The following PBX1 variants were observed in gnomAD, a reference collection of about 807,000 sequenced individuals.
The protein encoded by PBX1 is pre-B-cell leukemia transcription factor 1.
A neutral mutation model predicts 53.4 loss-of-function variants in PBX1; 6 were observed. That is an observed-to-expected ratio of 0.11 (90% confidence interval 0.06 to 0.22). The LOEUF is 0.22. Among genes scored for constraint, PBX1 ranks in the 10% least tolerant of loss-of-function variants. The pLI, the probability that PBX1 is intolerant of heterozygous loss-of-function variation, is 1.00. For synonymous variants in PBX1, 204 were observed against 212.3 expected (o/e 0.96, Z 0.34); for missense variants, 251 against 551.4 (o/e 0.46, Z 5.46).
chr1:164,568,822 G>A (rs951961793), intron 2 of PBX1, among the ~76,000 whole-genome samples: 1 of 152,220 alleles, frequency 6.6e-6, no homozygotes, highest in Admixed American at 6.5e-5. Flanking sequence ...GAACTTAGCA[G>A]AGTGATCCCC....
At chr1:164,731,806 C>G (rs567454550) in intron 2 of PBX1, among the ~76,000 whole-genome samples, 9 of 152,330 alleles carry the variant, frequency 5.9e-5, no homozygotes, top group African/African-American at 2.2e-4. Context: ...CTTATGAAGT[C>G]TGCCACAGAA....
At chr1:164,666,831 C>T (rs1009865387) in intron 2 of PBX1, among the ~76,000 whole-genome samples, 3 of 152,120 alleles carry the variant, frequency 2.0e-5, no homozygotes, top group African/African-American at 7.2e-5. Flanking sequence ...TCTACTGAGT[C>T]CTAATTATGT....
At chr1:164,830,311 A>G (rs1670690697) in intron 8 of PBX1, among the ~76,000 whole-genome samples, 1 of 152,230 alleles carries the variant, frequency 6.6e-6, no homozygotes, top group African/African-American at 2.4e-5. Context: ...GAAGGTTAAA[A>G]TGAAGCCACC....
At chr1:164,881,275 A>G (rs921638391) in intron 2 of PBX1, among the ~76,000 whole-genome samples, 5 of 151,368 alleles carry the variant, frequency 3.3e-5, no homozygotes, top group African/African-American at 1.2e-4. Flanking sequence ...GAAGAACTGC[A>G]GAGACACAGA....
At chr1:164,737,537 G>A (rs184303646) in intron 2 of PBX1, among the ~76,000 whole-genome samples, 2 of 151,038 alleles carry the variant, frequency 1.3e-5, no homozygotes, top group Admixed American at 1.3e-4. Context: ...GGAGTGCAGT[G>A]GCATGATCTC....
intron 8 of PBX1, among the ~76,000 whole-genome samples, chr1:164,834,027 ATATGTG>A (rs1175541331): frequency 1.3e-5 from 1 of 79,268 alleles, no homozygotes; most frequent in African/African-American, 5.3e-5. Context: ...ATATATATGT[ATATGTG>A]TGTGTGTGTG....
chr1:164,761,450 C>CT lies in PBX1; in HGVS notation c.266-31032dup, dbSNP rs35369933. 6.1e-3 allele frequency among the ~76,000 whole-genome samples: 887 copies of CT among 146,484 alleles called. 4 individuals are homozygous for CT. The highest frequency in any genetic ancestry group is 8.8e-3 in the Non-Finnish European group (579 of 66,164). Reference sequence around the variant, plus strand: ...CATCGTCTTTCATTGGGACATTATTCTTTTTTTTTTTTGAGACGGAGTTTC... The same window carrying CT: ...CATCGTCTTTCATTGGGACATTATTCTTTTTTTTTTTTTGAGACGGAGTTTC... On this transcript the variant is annotated intron_variant, in intron 2 of 8. Coordinates refer to ENST00000420696, the MANE Select transcript of PBX1 (RefSeq NM_002585.4).
At chr1:164,767,429 G>C (rs777836326) in intron 2 of PBX1, among the ~76,000 whole-genome samples, 11 of 152,130 alleles carry the variant, frequency 7.2e-5, no homozygotes, top group Non-Finnish European at 1.2e-4. Context: ...TTATCAGAGA[G>C]TGCGCTGGAG....
intron 8 of PBX1, among the ~76,000 whole-genome samples, chr1:164,833,341 G>T (rs1286964837): frequency 6.6e-6 from 1 of 152,148 alleles, no homozygotes; most frequent in Non-Finnish European, 1.5e-5. Flanking sequence ...CAGATCACAG[G>T]TTCCCGAAGT....
chr1:164,667,050 GTGTC>G (rs200383070), intron 2 of PBX1, among the ~76,000 whole-genome samples: 3,229 of 152,230 alleles, frequency 0.021, 132 homozygotes, highest in African/African-American at 0.074. Context: ...GCCTGACATC[GTGTC>G]TGTCTTAGGA....
intron 1 of PBX1, among the ~76,000 whole-genome samples, chr1:164,561,171 C>T (rs545661367): frequency 6.6e-6 from 1 of 152,238 alleles, no homozygotes; most frequent in South Asian, 2.1e-4. Context: ...CTTTGAAAAC[C>T]CTGTAAACAA....
intron 2 of PBX1, among the ~76,000 whole-genome samples, chr1:164,732,104 T>C (rs143127448): frequency 3.6e-4 from 55 of 152,304 alleles, no homozygotes; most frequent in Middle Eastern, 3.4e-3. Context: ...GCCAGTCTTT[T>C]ATTCTTTCTC....
intron 2 of PBX1, among the ~76,000 whole-genome samples, chr1:164,672,524 G>A (rs1403527325): frequency 6.6e-6 from 1 of 152,196 alleles, no homozygotes; most frequent in Non-Finnish European, 1.5e-5. Context: ...GAGAGCTTAA[G>A]TGTCTGCATT....
intron 2 of PBX1, among the ~76,000 whole-genome samples, chr1:164,604,227 C>T (rs950406286): frequency 1.3e-5 from 2 of 152,148 alleles, no homozygotes; most frequent in Middle Eastern, 3.2e-3. Context: ...AGGCGTGAGC[C>T]ACTGCGTCCG....
intron 2 of PBX1, among the ~76,000 whole-genome samples, chr1:164,869,025 GT>G (rs1231702705): frequency 1.3e-5 from 2 of 152,142 alleles, no homozygotes; most frequent in African/African-American, 4.8e-5. Flanking sequence ...TTTCAATAGT[GT>G]TTTTTCTGTC....
intron 2 of PBX1, among the ~76,000 whole-genome samples, chr1:164,587,683 A>G (rs1174405247): frequency 1.3e-5 from 2 of 152,216 alleles, no homozygotes. Flanking sequence ...ATTAATGAAT[A>G]GTCATCCTGT....
In PBX1 at chr1:164,579,097, T is replaced by C. The variant is rs373768050; in HGVS notation, c.265+15786T>C. Among the ~76,000 whole-genome samples, 12 of 152,270 alleles carry C rather than the reference T, an allele frequency of 7.9e-5. No individual in the cohort carries two copies. In the East Asian group the frequency reaches 1.4e-3, roughly 17 times the overall value. On this transcript the variant is annotated intron_variant, in intron 2 of 8. Transcript: ENST00000420696. ...GGGCAGCTTAAGCTACATGGTCTGC[T>C]TCTGCCTTGAAGGAGTACTGAGAGG...
intron 2 of PBX1, among the ~76,000 whole-genome samples, chr1:164,762,533 C>T (rs1395887013): frequency 1.3e-5 from 2 of 152,202 alleles, no homozygotes; most frequent in African/African-American, 4.8e-5. Context: ...TGATAACCCA[C>T]CTTCTGGAAC....
At chr1:164,635,853 T>C (rs1311386398) in intron 2 of PBX1, among the ~76,000 whole-genome samples, 1 of 152,230 alleles carries the variant, frequency 6.6e-6, no homozygotes, top group Admixed American at 6.5e-5. Flanking sequence ...TTCAAATAGA[T>C]TCCCTTCTCT....
Sources: gnomAD v4.1 joint callset for allele counts (sites outside exome capture counted in the v4.1 genomes callset) on GRCh38, gnomAD v4.1.1 for gene constraint, MANE v1.5 for transcripts, NCBI Gene and HGNC (gene_info 2026-07-23, HGNC 2026-07-21) for gene names.